Variants in DOCK7 observed in about 807,000 individuals in gnomAD.
The protein encoded by DOCK7 is dedicator of cytokinesis 7, also known as dedicator of cytokinesis protein 7.
In DOCK7, 138 loss-of-function variants were observed where a neutral mutation model predicts 271.0. The ratio of observed to expected loss-of-function variants is 0.51; its 90% confidence interval spans 0.44 to 0.59. The LOEUF (loss-of-function observed/expected upper bound fraction) is 0.59. Among genes scored for constraint, DOCK7 ranks in the 20% least tolerant of loss-of-function variants. The probability of loss-of-function intolerance (pLI) is 0.00; values close to 1 mark genes in which losing one functional copy is unlikely to be tolerated. For synonymous variants in DOCK7, 823 were observed against 876.1 expected (o/e 0.94, Z 1.07); for missense variants, 2,066 against 2,592.4 (o/e 0.80, Z 4.41).
chr1:62,619,138 T>C (rs1170839418), intron 13 of DOCK7, among the ~76,000 whole-genome samples: 9 of 150,882 alleles, frequency 6.0e-5, no homozygotes, highest in South Asian at 2.1e-4. Flanking sequence ...GAAGCAAAAA[T>C]AGAAAAAAAA....
intron 1 of DOCK7, among the ~76,000 whole-genome samples, chr1:62,678,969 T>A (rs754574590): frequency 6.6e-6 from 1 of 152,160 alleles, no homozygotes; most frequent in South Asian, 2.1e-4. Flanking sequence ...TTCTTACACA[T>A]TGATGCCTGT....
At chr1:62,522,608 G>C (rs1056266766) in intron 31 of DOCK7, among the ~76,000 whole-genome samples, 30 of 151,906 alleles carry the variant, frequency 2.0e-4, no homozygotes, top group African/African-American at 6.8e-4. Context: ...ATGAAATGTT[G>C]AAAGTTTTAC....
At chr1:62,685,842 A>C (rs1018931180) in intron 1 of DOCK7, among the ~76,000 whole-genome samples, 1 of 152,198 alleles carries the variant, frequency 6.6e-6, no homozygotes, top group Non-Finnish European at 1.5e-5. Context: ...CTCACCTTGC[A>C]TGTCCAATCA....
At chr1:62,680,955 A>G (rs572306153) in intron 1 of DOCK7, among the ~76,000 whole-genome samples, 56 of 152,336 alleles carry the variant, frequency 3.7e-4, no homozygotes, top group Non-Finnish European at 6.8e-4. Flanking sequence ...AACTAATTCA[A>G]CCATTGTGGA....
intron 7 of DOCK7, among the ~76,000 whole-genome samples, chr1:62,646,259 A>G (rs1656649963): frequency 6.6e-6 from 1 of 152,172 alleles, no homozygotes; most frequent in African/African-American, 2.4e-5. Flanking sequence ...ATGGCCACAT[A>G]TAATTCCACT....
chr1:62,686,710 T>C lies in DOCK7; in HGVS notation c.38+1517A>G, dbSNP rs149868760. Reference sequence around the variant, plus strand: ...GCTGGGTCCTATTATTATTCTCATTTGCCAGACGAGGAAACGGAAATTTGG... The same window carrying C: ...GCTGGGTCCTATTATTATTCTCATTCGCCAGACGAGGAAACGGAAATTTGG... On this transcript the variant is annotated intron_variant, in intron 1 of 49. Coordinates refer to ENST00000635253, the MANE Select transcript of DOCK7 (RefSeq NM_001367561.1). 2.0e-3 allele frequency among the ~76,000 whole-genome samples: 308 copies of C among 152,308 alleles called. 2 individuals carry two copies. The South Asian group carries it at 0.026, about 13-fold the overall frequency.
At chr1:62,670,455 C>T (rs1347292726) in intron 1 of DOCK7, among the ~76,000 whole-genome samples, 2 of 152,118 alleles carry the variant, frequency 1.3e-5, no homozygotes, top group African/African-American at 4.8e-5. Context: ...GTGCACCAAT[C>T]GACACTCTGT....
Position 62,539,540 on chromosome 1 carries a change from A to G in DOCK7, c.3300+5T>C, listed in dbSNP as rs760985915. 1.3e-6 allele frequency: 2 copies of G among 1,591,810 alleles called. No individual in the cohort carries two copies. The highest frequency in any genetic ancestry group is 2.7e-5 in the African/African-American group (2 of 73,870). On this transcript the variant is annotated splice_donor_5th_base_variant and intron_variant, in intron 27 of 49. Transcript: ENST00000635253. ...GATTACTAATTATTCCTAACTATGC[A>G]TTACCTGTTTATAGCAGGACTTTAT...
chr1:62,646,095 C>T (rs1325118916), intron 7 of DOCK7, among the ~76,000 whole-genome samples: 12 of 150,390 alleles, frequency 8.0e-5, no homozygotes, highest in African/African-American at 2.2e-4. Flanking sequence ...TGCAGTAAGC[C>T]GAGATCGCAC....
rs753555367 is a variant in DOCK7, at chr1:62,683,307, T to G, written c.38+4920A>C. On this transcript the variant is annotated intron_variant, in intron 1 of 49. Transcript: ENST00000635253. ...GATAAAACAGGCAGCACGGAAGTAGTTGGTAATATATGGAACTATGAATTG... is the reference window on the plus strand; with the variant it reads ...GATAAAACAGGCAGCACGGAAGTAGGTGGTAATATATGGAACTATGAATTG... Among the ~76,000 whole-genome samples the G allele has an allele frequency of 9.9e-5, 15 of 152,070 alleles. 1 individual carries two copies. The highest frequency in any genetic ancestry group is 1.5e-5 in the Non-Finnish European group (1 of 67,996).
chr1:62,631,426 C>T (rs373772490), intron 10 of DOCK7, 21 bp from the exon 11 acceptor site: 5 of 1,564,172 alleles, frequency 3.2e-6, no homozygotes, highest in Admixed American at 1.9e-5. Flanking sequence ...GAACTTTATA[C>T]ATTATATGAT....
Position 62,539,797 on chromosome 1 carries a change from A to G in DOCK7, c.3141T>C (p.Ala1047=). Residue 1047 remains alanine, a synonymous_variant, in exon 26 of 50, where the codon GCT becomes GCC. Transcript: ENST00000635253. ...FPERFMDDIA[A]LVSTIASDIV... ...TATCACTAGCAATCGTGCTGACAAGAGCTGCAATGTCATCCATGAAACGTT... is the reference window on the plus strand; with the variant it reads ...TATCACTAGCAATCGTGCTGACAAGGGCTGCAATGTCATCCATGAAACGTT... The G allele has an allele frequency of 1.9e-6, 3 of 1,613,720 alleles. No homozygotes were observed. The highest frequency in any genetic ancestry group is 2.5e-6 in the Non-Finnish European group (3 of 1,179,920).
chr1:62,462,914 C>CT (rs34400688), intron 48 of DOCK7, among the ~76,000 whole-genome samples: 29,153 of 79,578 alleles, frequency 0.37, 6,591 homozygotes, highest in East Asian at 0.54. Context: ...GTAGAAAAAG[C>CT]TTTTTTTTTT....
chr1:62,524,305 T>C (rs1388519209), intron 31 of DOCK7, among the ~76,000 whole-genome samples: 1 of 152,198 alleles, frequency 6.6e-6, no homozygotes, highest in Non-Finnish European at 1.5e-5. Context: ...TGGAAAATAG[T>C]TGGCCATTAC....
chr1:62,573,164 T>C (rs977149718), intron 18 of DOCK7, among the ~76,000 whole-genome samples: 3 of 152,154 alleles, frequency 2.0e-5, no homozygotes, highest in African/African-American at 7.2e-5. Flanking sequence ...TGCTGCTGTG[T>C]CTACAATTTT....
Position 62,681,391 on chromosome 1 carries a change from G to C in DOCK7, c.38+6836C>G, listed in dbSNP as rs1382203505. ...CACACACCAGGGCCTGTCGTGGGGT[G>C]GGGGGAGGGGGGAGGGATAGCATTA... On this transcript the variant is annotated intron_variant, in intron 1 of 49. Coordinates refer to ENST00000635253, the MANE Select transcript of DOCK7 (RefSeq NM_001367561.1). Among the ~76,000 whole-genome samples the C allele has an allele frequency of 4.1e-5, 5 of 120,808 alleles. 1 individual carries two copies. Among genetic ancestry groups the C allele is most frequent in the Non-Finnish European group, 8.4e-5 (5 of 59,386 alleles). The allele number at this position is 120,808 out of a possible 152,430, so 79.3% of individuals were successfully genotyped here.
At chr1:62,495,471 TA>T (rs1285957464) in intron 39 of DOCK7, 109 bp downstream of exon 39, 5 of 681,248 alleles carry the variant, frequency 7.3e-6, no homozygotes, top group Non-Finnish European at 1.1e-5. Flanking sequence ...AGAATGTAAA[TA>T]AAGAAAAATC....
At chr1:62,668,380 A>G (rs1659554617) in intron 1 of DOCK7, among the ~76,000 whole-genome samples, 1 of 152,240 alleles carries the variant, frequency 6.6e-6, no homozygotes, top group Non-Finnish European at 1.5e-5. Flanking sequence ...TATGAGATAT[A>G]ACCAAATGCA....
chr1:62,687,340 C>T (rs1482180471), intron 1 of DOCK7, among the ~76,000 whole-genome samples: 1 of 152,180 alleles, frequency 6.6e-6, no homozygotes, highest in Non-Finnish European at 1.5e-5. Flanking sequence ...AACCAACCAC[C>T]ACAAGTAGGT....
Sources: gnomAD v4.1 joint callset for allele counts (sites outside exome capture counted in the v4.1 genomes callset) on GRCh38, gnomAD v4.1.1 for gene constraint, MANE v1.5 for transcripts, NCBI Gene and HGNC (gene_info 2026-07-23, HGNC 2026-07-21) for gene names.